PDE4C: variants seen among roughly 807,000 people sequenced by gnomAD.
PDE4C encodes the protein phosphodiesterase 4C.
Under a neutral mutation model 63.9 loss-of-function variants are expected in PDE4C, and 50 were observed. The ratio of observed to expected loss-of-function variants is 0.78; its 90% confidence interval spans 0.62 to 0.99. The LOEUF (loss-of-function observed/expected upper bound fraction) is 0.99, where lower values mean the gene tolerates loss of function less well. Among genes scored for constraint, PDE4C ranks in the 50% least tolerant of loss-of-function variants. The pLI is 0.00. For synonymous variants in PDE4C, 377 were observed against 385.1 expected, an observed-to-expected ratio of 0.98 and a Z score of 0.25; for missense variants, 777 against 899.1, an observed-to-expected ratio of 0.86 and a Z score of 1.74.
At chr19:18,214,156 G>C (rs773483921) in intron 12 of PDE4C, among the ~76,000 whole-genome samples, 35 of 152,022 alleles carry the variant, frequency 2.3e-4, no homozygotes, top group Non-Finnish European at 3.7e-4. Flanking sequence ...TACTCGGAAG[G>C]CTGAGGCAGG....
chr19:18,250,161 C>T (rs1969215495), upstream of PDE4C: 1 of 398,722 alleles, frequency 2.5e-6, no homozygotes, highest in African/African-American at 2.1e-5. Context: ...AAAGGACAAT[C>T]TGTCATTCAC....
chr19:18,226,465 T>C, exon 1 of PDE4C: 1 of 1,329,998 alleles, frequency 7.5e-7, no homozygotes. Flanking sequence ...GCGGGACCTT[T>C]TCTGGACAGC....
upstream of PDE4C, among the ~76,000 whole-genome samples, chr19:18,226,708 G>T (rs983856149): frequency 1.3e-5 from 2 of 151,208 alleles, no homozygotes; most frequent in African/African-American, 4.9e-5. Flanking sequence ...TGGGCTCAAG[G>T]GATCCTCCTA....
intron 1 of PDE4C, among the ~76,000 whole-genome samples, 174 bp downstream of exon 1, chr19:18,226,096 G>A (rs1461354136): frequency 3.3e-5 from 5 of 152,218 alleles, no homozygotes; most frequent in Non-Finnish European, 7.4e-5. Context: ...GACAAAAGTA[G>A]GGTAAGGTAG....
chr19:18,243,207 T>C (rs1969074689), intron 1 of PDE4C, among the ~76,000 whole-genome samples: 1 of 152,160 alleles, frequency 6.6e-6, no homozygotes, highest in Non-Finnish European at 1.5e-5. Context: ...CCTCCCATTT[T>C]CAAGCAATTC....
chr19:18,224,285 A>T, intron 1 of PDE4C: 1 of 985,466 alleles, frequency 1.0e-6, no homozygotes, highest in Non-Finnish European at 1.2e-6. Context: ...CGACAGGAAG[A>T]CAACCGGGAC....
At chr19:18,253,513 T>C in the PDE4C span, among the ~76,000 whole-genome samples, 1 of 149,584 alleles carries the variant, frequency 6.7e-6, no homozygotes, top group East Asian at 2.0e-4. Flanking sequence ...ATCATGCCAC[T>C]GAACTCCAGC....
At chr19:18,236,502 C>G (rs890767253), upstream of PDE4C, among the ~76,000 whole-genome samples, 9 of 152,228 alleles carry the variant, frequency 5.9e-5, no homozygotes, top group African/African-American at 2.2e-4. Flanking sequence ...GGATTACAGG[C>G]ATCAGCCACC....
At chr19:18,252,365 G>A (rs182593043), upstream of PDE4C, 53 of 399,196 alleles carry the variant, frequency 1.3e-4, no homozygotes, top group East Asian at 1.5e-3. Flanking sequence ...TGGTGCTGGA[G>A]TAGGATTTGG....
chr19:18,244,793 T>C (rs927655876), intron 1 of PDE4C, among the ~76,000 whole-genome samples: 1 of 151,738 alleles, frequency 6.6e-6, no homozygotes, highest in African/African-American at 2.4e-5. Flanking sequence ...ATTACAGGCA[T>C]GAGCCACAGT....
At chr19:18,246,277 G>A (rs918156884) in intron 1 of PDE4C, among the ~76,000 whole-genome samples, 13 of 149,180 alleles carry the variant, frequency 8.7e-5, no homozygotes, top group Admixed American at 4.8e-4. Flanking sequence ...TCGACCTCCC[G>A]TGCTCAAGCA....
At chr19:18,249,577 A>ATTTTT (rs71164388), upstream of PDE4C, among the ~76,000 whole-genome samples, 21 of 139,846 alleles carry the variant, frequency 1.5e-4, no homozygotes, top group African/African-American at 5.5e-4. Flanking sequence ...GCCTGGCCCT[A>ATTTTT]TTTTTTTTTT....
chr19:18,246,349 A>ATT (rs549395251), intron 1 of PDE4C, among the ~76,000 whole-genome samples: 17,018 of 127,552 alleles, frequency 0.13, 1,276 homozygotes, highest in East Asian at 0.38. Flanking sequence ...ATGACTGGCT[A>ATT]TTTTTTTTTT....
chr19:18,214,670 C>A (rs752339216), intron 12 of PDE4C, among the ~76,000 whole-genome samples: 3 of 151,722 alleles, frequency 2.0e-5, no homozygotes, highest in Non-Finnish European at 4.4e-5. Context: ...TTAACCCAGC[C>A]GGGCGCCGTG....
rs556924470 is a variant in PDE4C at position 18,212,372 on chromosome 19, G to A, written c.1513-431C>T. ...CTAATTTTTGTATTTTTGTAGAGAC[G>A]GGGTGTTGCCCAGGCTGGTCTCAAA... On this transcript the variant is annotated intron_variant, in intron 13 of 14. Transcript: ENST00000262805. Among the ~76,000 whole-genome samples, 4 of 151,984 alleles carry A rather than the reference G, an allele frequency of 2.6e-5. No individual in the cohort carries two copies. The East Asian group carries it at 7.8e-4, about 30-fold the overall frequency.
At chr19:18,235,520 T>C (rs964208765), upstream of PDE4C, among the ~76,000 whole-genome samples, 4 of 152,064 alleles carry the variant, frequency 2.6e-5, no homozygotes, top group Non-Finnish European at 5.9e-5. Context: ...CTCACTTCTC[T>C]CCAGCCCATG....
chr19:18,244,506 T>G (rs927876758), intron 1 of PDE4C, among the ~76,000 whole-genome samples: 2 of 151,858 alleles, frequency 1.3e-5, no homozygotes, highest in Non-Finnish European at 2.9e-5. Flanking sequence ...GTTGTTGTTG[T>G]TGTTTGTTTT....
exon 15 of PDE4C, chr19:18,211,230 G>C: frequency 6.2e-7 from 1 of 1,608,794 alleles, no homozygotes. Flanking sequence ...GACCAGGTCA[G>C]CCCAAGTCTC....
upstream of PDE4C, among the ~76,000 whole-genome samples, chr19:18,228,402 T>C (rs1968785722): frequency 6.6e-6 from 1 of 152,164 alleles, no homozygotes; most frequent in African/African-American, 2.4e-5. Context: ...TGTGGACTAC[T>C]ATTCCCATTT....
Sources: gnomAD v4.1 joint callset for allele counts (sites outside exome capture counted in the v4.1 genomes callset) on GRCh38, gnomAD v4.1.1 for gene constraint, MANE v1.5 for transcripts, NCBI Gene and HGNC (gene_info 2026-07-23, HGNC 2026-07-21) for gene names.